The following CFAP44 variants were observed in gnomAD, a reference collection of about 807,000 sequenced individuals.
The protein encoded by CFAP44 is cilia and flagella associated protein 44, also known as cilia- and flagella-associated protein 44.
CFAP44 carries 134 observed loss-of-function variants against 216.2 expected under a neutral mutation model. The observed-to-expected ratio is 0.62, with a 90% CI of 0.54 to 0.72. CFAP44 has a LOEUF of 0.72. Ranked by LOEUF, CFAP44 falls within the 30% of genes least tolerant of loss-of-function variation. The pLI, the probability that CFAP44 is intolerant of heterozygous loss-of-function variation, is 0.00. For missense variants in CFAP44, 2,035 were observed against 2,182.1 expected (o/e 0.93, Z 1.34); for synonymous variants, 700 against 727.6 (o/e 0.96, Z 0.61).
At chr3:113,398,411 G>T (rs1376928702) in intron 13 of CFAP44, among the ~76,000 whole-genome samples, 1 of 152,112 alleles carries the variant, frequency 6.6e-6, no homozygotes, top group Admixed American at 6.6e-5. Context: ...GAAAGGCAAG[G>T]GGGTATGGAG....
At chr3:113,439,441 A>T (rs922912968) in intron 1 of CFAP44, among the ~76,000 whole-genome samples, 1 of 152,224 alleles carries the variant, frequency 6.6e-6, no homozygotes, top group Non-Finnish European at 1.5e-5. Flanking sequence ...CCAACCTCAG[A>T]CTAGCATCAC....
intron 5 of CFAP44, among the ~76,000 whole-genome samples, chr3:113,419,264 T>C (rs1157540701): frequency 6.6e-6 from 1 of 152,194 alleles, no homozygotes; most frequent in Non-Finnish European, 1.5e-5. Context: ...ACACAGTTAT[T>C]GCCACATTAT....
chr3:113,436,127 A>G (rs1255993991), intron 1 of CFAP44, among the ~76,000 whole-genome samples: 1 of 152,162 alleles, frequency 6.6e-6, no homozygotes, highest in African/African-American at 2.4e-5. Flanking sequence ...CCACTCCAGC[A>G]CTGTCAGAAA....
Position 113,396,535 on chromosome 3 carries a change from C to T in CFAP44, c.1762G>A (p.Glu588Lys). 1 of 1,614,008 alleles carries T rather than the reference C, an allele frequency of 6.2e-7. No individual in the cohort carries two copies. Among genetic ancestry groups the T allele is most frequent in the Non-Finnish European group, 8.5e-7 (1 of 1,179,972 alleles). Reference protein sequence around the residue: ...VTALAYERDGEILATGSKDQT... With the variant: ...VTALAYERDGKILATGSKDQT... ...CTGCTTACCCCTGTGGCTAGAATTT[C>T]CCCATCACGTTCATAAGCTAAAGCA... The change falls in exon 14 of 35, where the codon GAA becomes AAA. Residue 588 changes from glutamate (E) to lysine (K), a missense_variant. This residue lies in a region of CFAP44 where 1,883 missense variants were observed against 2,023.7 expected (regional missense o/e 0.93). Coordinates refer to ENST00000393845, the MANE Select transcript of CFAP44 (RefSeq NM_001164496.2).
intron 4 of CFAP44, among the ~76,000 whole-genome samples, chr3:113,420,809 A>G (rs7610638): frequency 0.18 from 27,624 of 152,220 alleles, 2,687 homozygotes; most frequent in African/African-American, 0.25. Flanking sequence ...CTAAAATTTA[A>G]TTCATATCAA....
In CFAP44 at chr3:113,304,194, C is replaced by A. The variant is rs1949964004; in HGVS notation, c.4876-77G>T. ...ATGGCAACAGAAAGCATAAGAGGTG[C>A]ACTTCCTTCTTTGCCCCTTGTTTAG... On this transcript the variant is annotated intron_variant, in intron 31 of 34. Coordinates refer to ENST00000393845, the MANE Select transcript of CFAP44 (RefSeq NM_001164496.2). 1.6e-5 allele frequency: 23 copies of A among 1,433,814 alleles called. 1 individual carries two copies. The South Asian group carries it at 2.7e-4, about 17-fold the overall frequency. The allele number at this position is 1,433,814 out of a possible 1,614,324, so 88.8% of individuals were successfully genotyped here.
rs566241282 is a variant in CFAP44 at position 113,294,690 on chromosome 3, C to T, written c.5370G>A (p.Gln1790=). ...GGTCTGAAGGTAAAGAACATACCTG[C>T]TGATTCTGTAGTGTATTCAACCGAG... ...LDSRLNTLQN[Q]QGNAFQGPRE... is the part of the protein sequence containing the mutation. The change falls in exon 34 of 35, where the codon CAG becomes CAA. Residue 1790 remains glutamine, a synonymous_variant. Transcript: ENST00000393845. 1.6e-4 allele frequency: 239 copies of T among 1,526,012 alleles called. 1 individual carries two copies. In the South Asian group the frequency reaches 2.8e-3, roughly 18 times the overall value. 94.5% of individuals were successfully genotyped at this position (1,526,012 alleles called of 1,614,324 possible).
At chr3:113,378,979 C>A (rs1933429121) in intron 17 of CFAP44, among the ~76,000 whole-genome samples, 1 of 152,122 alleles carries the variant, frequency 6.6e-6, no homozygotes, top group Non-Finnish European at 1.5e-5. Flanking sequence ...TTTTGCCTTT[C>A]TACGCTTGAT....
chr3:113,356,632 G>A (rs1037173198), intron 22 of CFAP44, among the ~76,000 whole-genome samples: 1 of 151,730 alleles, frequency 6.6e-6, no homozygotes, highest in Non-Finnish European at 1.5e-5. Flanking sequence ...TAGGTCAATC[G>A]GATATCAATA....
At chr3:113,414,709 G>A (rs1253860227) in intron 6 of CFAP44, among the ~76,000 whole-genome samples, 1 of 152,100 alleles carries the variant, frequency 6.6e-6, no homozygotes, top group Non-Finnish European at 1.5e-5. Flanking sequence ...AGGGATGAAG[G>A]CGGCGTGATC....
chr3:113,408,009 A>G (rs1460023500), intron 7 of CFAP44, among the ~76,000 whole-genome samples: 2 of 152,208 alleles, frequency 1.3e-5, no homozygotes, highest in African/African-American at 4.8e-5. Context: ...GAAATTGGAA[A>G]ATTTTCACAT....
intron 8 of CFAP44, among the ~76,000 whole-genome samples, chr3:113,404,333 A>G (rs1035296912): frequency 1.3e-5 from 2 of 152,186 alleles, no homozygotes; most frequent in East Asian, 1.9e-4. Flanking sequence ...CAGGAGTGGA[A>G]TTAGATGAGA....
chr3:113,320,449 A>G (rs1303573033), intron 28 of CFAP44, among the ~76,000 whole-genome samples: 2 of 112,926 alleles, frequency 1.8e-5, no homozygotes, highest in African/African-American at 3.1e-5. Flanking sequence ...TATATGATAT[A>G]TATTACATCT....
intron 28 of CFAP44, among the ~76,000 whole-genome samples, chr3:113,325,138 C>T (rs1021232905): frequency 2.6e-5 from 4 of 151,534 alleles, no homozygotes; most frequent in African/African-American, 7.3e-5. Context: ...CCTGTCTCTA[C>T]TAAAAATAGA....
chr3:113,322,504 C>G (rs1370192496), intron 28 of CFAP44, among the ~76,000 whole-genome samples: 1 of 152,156 alleles, frequency 6.6e-6, no homozygotes, highest in African/African-American at 2.4e-5. Flanking sequence ...AATCACTAAT[C>G]ATCAGAGAAG....
intron 22 of CFAP44, among the ~76,000 whole-genome samples, chr3:113,350,026 T>C (rs149408867): frequency 1.3e-5 from 2 of 152,234 alleles, no homozygotes; most frequent in African/African-American, 4.8e-5. Flanking sequence ...CCCCATTAAA[T>C]ATCACAAGGA....
intron 28 of CFAP44, among the ~76,000 whole-genome samples, chr3:113,308,553 A>C (rs113916845): frequency 0.016 from 2,396 of 152,182 alleles, 65 homozygotes; most frequent in African/African-American, 0.054. Flanking sequence ...CTAACTCATA[A>C]GATGCTCTAA....
At chr3:113,333,733 A>C (rs1950259269) in intron 24 of CFAP44, 150 bp from the exon 25 acceptor site, 1 of 919,296 alleles carries the variant, frequency 1.1e-6, no homozygotes, top group African/African-American at 1.7e-5. Context: ...GAGCCCAAGC[A>C]TTTTTTAAAA....
chr3:113,316,910 C>T (rs1284096887), intron 28 of CFAP44, among the ~76,000 whole-genome samples: 2 of 150,880 alleles, frequency 1.3e-5, no homozygotes, highest in South Asian at 2.1e-4. Flanking sequence ...ACAAGATGGC[C>T]AACTAGAAAC....
Sources: allele counts gnomAD v4.1 joint callset (sites outside exome capture counted in the v4.1 genomes callset), GRCh38; gene constraint gnomAD v4.1.1; regional missense constraint gnomAD v4.1.1; transcripts MANE v1.5; gene names NCBI Gene and HGNC (gene_info 2026-07-23, HGNC 2026-07-21).